The following GALM variants were observed in gnomAD, a reference collection of about 807,000 sequenced individuals.
GALM encodes the protein aldose 1-epimerase.
GALM carries 43 observed loss-of-function variants against 37.4 expected under a neutral mutation model. The ratio of observed to expected loss-of-function variants is 1.15; its 90% CI spans 0.90 to 1.48. GALM has a LOEUF of 1.48. GALM is among the 40% of genes most tolerant of loss of function. GALM has a pLI of 0.00. For synonymous variants in GALM, 199 were observed against 170.6 expected (o/e 1.17, Z -1.30); for missense variants, 456 against 419.1 (o/e 1.09, Z -0.77).
chr2:38,705,379 C>G (rs1666015267), intron 4 of GALM, among the ~76,000 whole-genome samples: 1 of 152,156 alleles, frequency 6.6e-6, no homozygotes, highest in African/African-American at 2.4e-5. Flanking sequence ...CTACATGCTG[C>G]CTGAGAGATA....
At chr2:38,725,884 G>A in intron 4 of GALM, among the ~76,000 whole-genome samples, 1 of 151,748 alleles carries the variant, frequency 6.6e-6, no homozygotes, top group East Asian at 2.0e-4. Context: ...GCTAATTTTT[G>A]TATTTTTAGT....
At chr2:38,717,162 A>C (rs1219318091) in intron 4 of GALM, among the ~76,000 whole-genome samples, 1 of 152,038 alleles carries the variant, frequency 6.6e-6, no homozygotes, top group East Asian at 1.9e-4. Context: ...AGGCAGGAGA[A>C]TCGTTTGAAC....
chr2:38,680,333 C>G (rs536374255), intron 2 of GALM, among the ~76,000 whole-genome samples: 33 of 152,172 alleles, frequency 2.2e-4, no homozygotes, highest in African/African-American at 7.9e-4. Flanking sequence ...CAAAAAAAAA[C>G]TTTAAAAATA....
intron 4 of GALM, among the ~76,000 whole-genome samples, chr2:38,700,238 C>T (rs1665888365): frequency 6.6e-6 from 1 of 152,122 alleles, no homozygotes; most frequent in Non-Finnish European, 1.5e-5. Context: ...AGATGTGAAC[C>T]ACCGCGCTCA....
chr2:38,707,544 G>A (rs114313397), intron 4 of GALM, among the ~76,000 whole-genome samples: 2 of 152,158 alleles, frequency 1.3e-5, no homozygotes, highest in African/African-American at 4.8e-5. Context: ...TGGCTGTGGT[G>A]GTTGTTGTCC....
chr2:38,708,111 T>TTAAAATAAAATAAAA (rs60153386), intron 4 of GALM, among the ~76,000 whole-genome samples: 4 of 135,642 alleles, frequency 2.9e-5, no homozygotes, highest in Non-Finnish European at 4.6e-5. Context: ...TGTATCAAAA[T>TTAAAATAAAATAAAA]TAAAATAAAA....
At chr2:38,671,859 G>A (rs2148424016) in intron 1 of GALM, among the ~76,000 whole-genome samples, 1 of 152,200 alleles carries the variant, frequency 6.6e-6, no homozygotes, top group Non-Finnish European at 1.5e-5. Context: ...AGGTGTGGTG[G>A]CGCATGCCTG....
chr2:38,714,213 CG>C (rs1185235051), intron 4 of GALM, among the ~76,000 whole-genome samples: 3 of 150,596 alleles, frequency 2.0e-5, no homozygotes, highest in Non-Finnish European at 3.0e-5. Flanking sequence ...GTTTTTTTTG[CG>C]GGGGGGTTGT....
chr2:38,727,218 GAAAA>G (rs397868719), intron 4 of GALM, among the ~76,000 whole-genome samples: 1 of 113,766 alleles, frequency 8.8e-6, no homozygotes. Context: ...TCCGTCTCAA[GAAAA>G]AAAAAAAAAA....
intron 4 of GALM, among the ~76,000 whole-genome samples, chr2:38,699,751 G>A (rs1358615925): frequency 3.3e-5 from 5 of 152,130 alleles, no homozygotes; most frequent in Admixed American, 6.5e-5. Context: ...AGTTCACCTC[G>A]CTGTTGAGTT....
In GALM at chr2:38,704,651, G is replaced by A. The variant is rs560672426; in HGVS notation, c.634+14757G>A. On this transcript the variant is annotated intron_variant, in intron 4 of 6. Transcript: ENST00000272252. ...ATTGGGCACTGCACTTAGCTTTGGT[G>A]ACACGGCAAGACTCTGTCTCCATTA... Among the ~76,000 whole-genome samples the A allele has an allele frequency of 2.7e-3, 403 of 150,920 alleles. 6 individuals are homozygous for A. Among genetic ancestry groups the A allele is most frequent in the African/African-American group, 9.3e-3 (381 of 40,864 alleles).
At position 38,676,112 on chromosome 2, in the gene GALM, G is replaced by A. The variant is rs570784754; in HGVS notation, c.345+46G>A. The stretch of plus-strand genomic sequence containing the variant: ...TGAGTTCCCTTTAGGCTCACTTTAC[G>A]CATACCTTCTGCTTGCCAGGCACAG... On this transcript the variant is annotated intron_variant, in intron 2 of 6. Coordinates refer to ENST00000272252, the MANE Select transcript of GALM (RefSeq NM_138801.3). 160 of 1,593,194 alleles carry A rather than the reference G, an allele frequency of 1.0e-4. No individual in the cohort carries two copies. The South Asian group carries it at 1.6e-3, about 16-fold the overall frequency.
At chr2:38,703,336 C>T (rs1160597659) in intron 4 of GALM, among the ~76,000 whole-genome samples, 1 of 151,078 alleles carries the variant, frequency 6.6e-6, no homozygotes, top group Non-Finnish European at 1.5e-5. Flanking sequence ...TAATTCCCGA[C>T]CTCAGGTGAT....
chr2:38,668,992 G>C (rs1665022861), intron 1 of GALM: 1 of 152,038 alleles, frequency 6.6e-6, no homozygotes, highest in South Asian at 2.1e-4. Context: ...TAAACTGTTT[G>C]GATGACAGCC....
At chr2:38,726,420 T>G (rs1040512156) in intron 4 of GALM, among the ~76,000 whole-genome samples, 4 of 150,542 alleles carry the variant, frequency 2.7e-5, no homozygotes, top group Admixed American at 6.6e-5. Flanking sequence ...TAGAGACGGG[T>G]TTTCACCGTT....
chr2:38,732,045 A>T, intron 6 of GALM, 136 bp downstream of exon 6: 10 of 791,924 alleles, frequency 1.3e-5, no homozygotes, highest in Non-Finnish European at 1.8e-5. Context: ...TTTGAGACAG[A>T]GTCTCACTCT....
chr2:38,707,964 A>T (rs1391767183), intron 4 of GALM, among the ~76,000 whole-genome samples: 1 of 152,014 alleles, frequency 6.6e-6, no homozygotes, highest in Admixed American at 6.6e-5. Flanking sequence ...AAAATTAGCG[A>T]GGCGTGGTAG....
At chr2:38,732,949 G>A (rs185990843) in intron 6 of GALM, among the ~76,000 whole-genome samples, 6 of 149,876 alleles carry the variant, frequency 4.0e-5, no homozygotes, top group East Asian at 2.0e-4. Flanking sequence ...GGCCAGGTGC[G>A]GTGGCTCACA....
At chr2:38,712,995 C>T (rs529247357) in intron 4 of GALM, among the ~76,000 whole-genome samples, 1 of 152,154 alleles carries the variant, frequency 6.6e-6, no homozygotes, top group Admixed American at 6.6e-5. Flanking sequence ...TGTAACCTAG[C>T]TGTGTTCAAT....
Sources: allele counts gnomAD v4.1 joint callset (sites outside exome capture counted in the v4.1 genomes callset), GRCh38; gene constraint gnomAD v4.1.1; transcripts MANE v1.5; gene names NCBI Gene and HGNC (gene_info 2026-07-23, HGNC 2026-07-21).